Variants in IL1RAPL2 observed in about 807,000 individuals in gnomAD.
IL1RAPL2 encodes the protein X-linked interleukin-1 receptor accessory protein-like 2.
In IL1RAPL2, 3 loss-of-function variants were observed where a neutral mutation model predicts 44.1. The observed-to-expected ratio is 0.07, with a 90% CI of 0.03 to 0.18. The LOEUF (loss-of-function observed/expected upper bound fraction) is 0.18. Among genes scored for constraint, IL1RAPL2 ranks in the 10% least tolerant of loss-of-function variants. The pLI, the probability that IL1RAPL2 is intolerant of heterozygous loss-of-function variation, is 1.00. For synonymous variants in IL1RAPL2, 181 were observed against 178.8 expected (o/e 1.01, Z -0.10); for missense variants, 391 against 496.4 (o/e 0.79, Z 2.02).
chrX:104,910,181 C>CGAGT (rs1298372322), intron 2 of IL1RAPL2, among the ~76,000 whole-genome samples: 1 of 112,396 alleles, frequency 8.9e-6, no homozygotes, highest in Non-Finnish European at 1.9e-5. Context: ...TTGCGCTTCC[C>CGAGT]GAGTGAGGCA....
chrX:104,878,124 G>T (rs760604501), intron 2 of IL1RAPL2, among the ~76,000 whole-genome samples: 1 of 111,276 alleles, frequency 9.0e-6, no homozygotes, highest in Non-Finnish European at 1.9e-5. Context: ...GGTACCTTGC[G>T]TCTGTACCAT....
intron 5 of IL1RAPL2, among the ~76,000 whole-genome samples, chrX:105,306,929 C>T (rs975018318): frequency 1.8e-4 from 20 of 111,447 alleles, no homozygotes; most frequent in African/African-American, 6.5e-4. Flanking sequence ...AATTAACTCA[C>T]AGTTCCGCAT....
At chrX:105,659,439 C>T (rs1334859110) in intron 6 of IL1RAPL2, among the ~76,000 whole-genome samples, 5 of 110,142 alleles carry the variant, frequency 4.5e-5, no homozygotes, top group African/African-American at 1.6e-4. Flanking sequence ...GGGCGGATCA[C>T]GAGGTCAGCA....
chrX:105,406,540 A>G (rs1602397478), intron 5 of IL1RAPL2: 3 of 1,197,994 alleles, frequency 2.5e-6, no homozygotes, highest in East Asian at 5.9e-5. Flanking sequence ...CTGCGATGCC[A>G]GGATTTGAAC....
chrX:104,654,500 G>C (rs966763192), intron 1 of IL1RAPL2, among the ~76,000 whole-genome samples: 1 of 110,934 alleles, frequency 9.0e-6, no homozygotes, highest in South Asian at 3.8e-4. Flanking sequence ...ATCATGGCTG[G>C]AGCATAGGCA....
chrX:105,032,073 T>A lies in IL1RAPL2; in HGVS notation c.83-163402T>A, dbSNP rs1219146831. On this transcript the variant is annotated intron_variant, in intron 2 of 10. Coordinates refer to ENST00000372582, the MANE Select transcript of IL1RAPL2 (RefSeq NM_017416.2). Reference sequence around the variant, plus strand: ...TATTTCTGTGGGATCGCTGGTGATATCCCCTTTATCATTTTTTATTGCATC... The same window carrying A: ...TATTTCTGTGGGATCGCTGGTGATAACCCCTTTATCATTTTTTATTGCATC... 2.7e-5 allele frequency among the ~76,000 whole-genome samples: 3 copies of A among 111,615 alleles called. No homozygotes were observed. The South Asian group carries it at 1.1e-3, about 42-fold the overall frequency.
intron 2 of IL1RAPL2, among the ~76,000 whole-genome samples, chrX:105,076,225 A>G (rs1372645043): frequency 9.0e-6 from 1 of 110,559 alleles, no homozygotes; most frequent in Non-Finnish European, 1.9e-5. Flanking sequence ...TGTGTCCCAG[A>G]GATTCTGGTA....
intron 6 of IL1RAPL2, among the ~76,000 whole-genome samples, chrX:105,614,557 G>A (rs1569458795): frequency 9.0e-6 from 1 of 111,000 alleles, no homozygotes; most frequent in Non-Finnish European, 1.9e-5. Flanking sequence ...TTTGGACTTA[G>A]GTGCCAAGAA....
chrX:105,118,105 C>T (rs748785604), intron 2 of IL1RAPL2, among the ~76,000 whole-genome samples: 1 of 112,311 alleles, frequency 8.9e-6, no homozygotes, highest in South Asian at 3.7e-4. Context: ...AAGGGAAATT[C>T]CAAAATAGTT....
At chrX:104,610,079 T>G (rs1929115198) in intron 1 of IL1RAPL2, among the ~76,000 whole-genome samples, 1 of 111,801 alleles carries the variant, frequency 8.9e-6, no homozygotes. Flanking sequence ...TTCATTTTTG[T>G]TTGTTAGTTT....
intron 3 of IL1RAPL2, 105 bp downstream of exon 3, chrX:105,195,853 T>C: frequency 1.2e-6 from 1 of 810,885 alleles, no homozygotes; most frequent in Non-Finnish European, 1.8e-6. Context: ...GATATGTTCT[T>C]GAAAGGTTGC....
chrX:105,398,150 A>G (rs1464350538), intron 5 of IL1RAPL2, among the ~76,000 whole-genome samples: 3 of 110,734 alleles, frequency 2.7e-5, no homozygotes, highest in Admixed American at 9.7e-5. Context: ...ACAACCTTTT[A>G]TTTTTTTATT....
chrX:104,585,404 AT>A (rs1928540459), intron 1 of IL1RAPL2, among the ~76,000 whole-genome samples: 1 of 13,529 alleles, frequency 7.4e-5, no homozygotes, highest in African/African-American at 1.4e-3. Context: ...AATATATAAT[AT>A]ATATATAATA....
At chrX:104,674,729 G>A (rs1280158325) in intron 2 of IL1RAPL2, among the ~76,000 whole-genome samples, 1 of 109,519 alleles carries the variant, frequency 9.1e-6, no homozygotes. Context: ...TCTGGTCCTG[G>A]ACTCTTTTTG....
At chrX:105,109,439 T>C (rs2032779590) in intron 2 of IL1RAPL2, among the ~76,000 whole-genome samples, 1 of 112,464 alleles carries the variant, frequency 8.9e-6, no homozygotes, top group African/African-American at 3.2e-5. Flanking sequence ...AATAATAATG[T>C]ATTGATTCAT....
intron 2 of IL1RAPL2, among the ~76,000 whole-genome samples, chrX:104,706,999 A>G (rs1306096794): frequency 1.8e-5 from 2 of 111,585 alleles, no homozygotes; most frequent in African/African-American, 6.5e-5. Context: ...TATCAAATCT[A>G]CTACTGGATA....
chrX:105,459,868 A>G (rs1339121100), intron 5 of IL1RAPL2, among the ~76,000 whole-genome samples: 1 of 111,831 alleles, frequency 8.9e-6, no homozygotes, highest in East Asian at 2.8e-4. Context: ...TGAAAAATAA[A>G]TATATACTAA....
intron 6 of IL1RAPL2, among the ~76,000 whole-genome samples, chrX:105,671,685 T>C (rs2037825983): frequency 8.9e-6 from 1 of 112,046 alleles, no homozygotes; most frequent in Non-Finnish European, 1.9e-5. Context: ...ACTTTTTAAA[T>C]CTATAGGTTT....
intron 3 of IL1RAPL2, chrX:105,220,398 G>C: frequency 8.5e-7 from 1 of 1,178,525 alleles, no homozygotes; most frequent in Non-Finnish European, 1.1e-6. Context: ...TCAAGGCCAT[G>C]ATCGCCTAGG....
Sources: gnomAD v4.1 joint callset for allele counts (sites outside exome capture counted in the v4.1 genomes callset) on GRCh38, gnomAD v4.1.1 for gene constraint, MANE v1.5 for transcripts, NCBI Gene and HGNC (gene_info 2026-07-23, HGNC 2026-07-21) for gene names.